ANKRD31: variants seen among roughly 807,000 people sequenced by gnomAD.
ANKRD31 encodes ankyrin repeat domain 31.
In ANKRD31, 147 loss-of-function variants were observed where a neutral mutation model predicts 186.0. The observed-to-expected ratio is 0.79, with a 90% CI of 0.69 to 0.91. The LOEUF is 0.91. Among genes scored for constraint, ANKRD31 ranks in the 40% least tolerant of loss-of-function variants. The pLI, the probability that ANKRD31 is intolerant of heterozygous loss-of-function variation, is 0.00. For missense variants in ANKRD31, 1,986 were observed against 2,148.8 expected, an observed-to-expected ratio of 0.92 and a Z score of 1.50; for synonymous variants, 673 against 736.4, an observed-to-expected ratio of 0.91 and a Z score of 1.39.
Position 75,196,004 on chromosome 5 carries a change from CTTTCTTCATCCTTAG to C in ANKRD31, c.629_643del (p.Thr210_Glu214del). On this transcript the variant is annotated inframe_deletion, in exon 7 of 26. Coordinates refer to ENST00000506364, the MANE Select transcript of ANKRD31 (RefSeq NM_001372053.1). ...GGCAGACACAAAGGTTTCAAGAGAGCTTTCTTCATCCTTAGTTTCTTCAGAAGTCATGGTCATTGT... is the reference window on the plus strand; with the variant it reads ...GGCAGACACAAAGGTTTCAAGAGAGCTTTCTTCAGAAGTCATGGTCATTGT... 1 of 1,532,024 alleles carries C rather than the reference CTTTCTTCATCCTTAG, an allele frequency of 6.5e-7. No individual in the cohort carries two copies. The highest frequency in any genetic ancestry group is 8.7e-7 in the Non-Finnish European group (1 of 1,145,048). 94.9% of individuals were successfully genotyped at this position (1,532,024 alleles called of 1,614,324 possible).
chr5:75,100,288 C>G (rs1746732227), intron 22 of ANKRD31, among the ~76,000 whole-genome samples: 1 of 152,124 alleles, frequency 6.6e-6, no homozygotes, highest in Admixed American at 6.6e-5. Flanking sequence ...GTCTGAGAGA[C>G]AGTTTGTTAT....
chr5:75,172,860 A>G (rs1262762233), intron 10 of ANKRD31, among the ~76,000 whole-genome samples: 1 of 152,210 alleles, frequency 6.6e-6, no homozygotes, highest in African/African-American at 2.4e-5. Flanking sequence ...CAACAGAAAA[A>G]AAGGGAATCT....
chr5:75,218,528 T>C (rs1561545477), intron 3 of ANKRD31, among the ~76,000 whole-genome samples: 1 of 152,156 alleles, frequency 6.6e-6, no homozygotes, highest in Non-Finnish European at 1.5e-5. Context: ...AAAGAAGAGC[T>C]GGTGCCATTT....
chr5:75,172,783 T>C (rs1029396257), intron 10 of ANKRD31, among the ~76,000 whole-genome samples: 2 of 152,094 alleles, frequency 1.3e-5, no homozygotes, highest in Non-Finnish European at 2.9e-5. Flanking sequence ...ACCAGACAGA[T>C]TCACAGCCGA....
chr5:75,226,298 T>C (rs144805681), intron 2 of ANKRD31, among the ~76,000 whole-genome samples: 133 of 152,290 alleles, frequency 8.7e-4, no homozygotes, highest in South Asian at 1.7e-3. Flanking sequence ...TGTAGAGCTG[T>C]AGTGAACATA....
At chr5:75,179,456 C>T (rs1754096869) in intron 10 of ANKRD31, among the ~76,000 whole-genome samples, 2 of 152,286 alleles carry the variant, frequency 1.3e-5, no homozygotes, top group South Asian at 4.1e-4. Context: ...GACCAATATC[C>T]TTGATGAACA....
At chr5:75,199,238 C>T (rs1755657030) in intron 6 of ANKRD31, among the ~76,000 whole-genome samples, 1 of 152,084 alleles carries the variant, frequency 6.6e-6, no homozygotes, top group Non-Finnish European at 1.5e-5. Flanking sequence ...CCTAGCATCC[C>T]TGAGGAAAGC....
intron 2 of ANKRD31, among the ~76,000 whole-genome samples, chr5:75,229,475 C>T (rs1010779332): frequency 1.3e-5 from 2 of 152,090 alleles, no homozygotes; most frequent in Non-Finnish European, 2.9e-5. Flanking sequence ...GCTAGTCTAA[C>T]AGACCCTAAT....
chr5:75,236,624 C>A lies in ANKRD31; in HGVS notation c.63G>T (p.Val21=), dbSNP rs900203072. Residue 21 remains valine, a synonymous_variant, in exon 1 of 26, where the codon GTG becomes GTT. Transcript: ENST00000506364. ...DSDETVIEGS[V]TESDLEEKEL... is the part of the protein sequence containing the mutation. Reference sequence around the variant, plus strand: ...CCTTTTCTTCCAGGTCGCTCTCCGTCACTGAACCCTCTATCACAGTTTCAT... The same window carrying A: ...CCTTTTCTTCCAGGTCGCTCTCCGTAACTGAACCCTCTATCACAGTTTCAT... 6.5e-7 allele frequency: 1 copy of A among 1,537,284 alleles called. No individual in the cohort carries two copies. Among genetic ancestry groups the A allele is most frequent in the Non-Finnish European group, 8.7e-7 (1 of 1,146,918 alleles).
chr5:75,091,164 G>C, intron 23 of ANKRD31, 97 bp downstream of exon 23: 2 of 1,349,564 alleles, frequency 1.5e-6, no homozygotes, highest in Non-Finnish European at 2.0e-6. Context: ...AACTAGCTTG[G>C]AGATCTTTCA....
chr5:75,224,761 A>G (rs1234825346), intron 2 of ANKRD31, among the ~76,000 whole-genome samples: 2 of 152,180 alleles, frequency 1.3e-5, no homozygotes, highest in Non-Finnish European at 2.9e-5. Flanking sequence ...GAGAAAGAAG[A>G]AACCCTAAAA....
intron 25 of ANKRD31, among the ~76,000 whole-genome samples, chr5:75,068,922 T>C (rs1743979994): frequency 7.0e-6 from 1 of 143,132 alleles, no homozygotes; most frequent in African/African-American, 2.6e-5. Flanking sequence ...CTTCTGAAGG[T>C]AGTGGTACAA....
At chr5:75,087,588 A>T (rs1007590231) in intron 23 of ANKRD31, among the ~76,000 whole-genome samples, 3 of 152,176 alleles carry the variant, frequency 2.0e-5, no homozygotes, top group Non-Finnish European at 4.4e-5. Flanking sequence ...AAGTTTTAAG[A>T]AGTCAATCTT....
At chr5:75,129,533 A>G (rs998023450) in intron 17 of ANKRD31, among the ~76,000 whole-genome samples, 1 of 152,242 alleles carries the variant, frequency 6.6e-6, no homozygotes, top group African/African-American at 2.4e-5. Context: ...AAATTACATT[A>G]AAAAGTTACC....
chr5:75,143,663 CT>C (rs1751217924), intron 15 of ANKRD31, among the ~76,000 whole-genome samples: 1 of 152,048 alleles, frequency 6.6e-6, no homozygotes, highest in Admixed American at 6.6e-5. Context: ...TTTAATTTCC[CT>C]TATGTTAAAA....
chr5:75,227,753 G>A (rs955880957), intron 2 of ANKRD31, among the ~76,000 whole-genome samples: 1 of 152,108 alleles, frequency 6.6e-6, no homozygotes, highest in African/African-American at 2.4e-5. Context: ...CCACGGACCA[G>A]TACCCATCCG....
intron 3 of ANKRD31, among the ~76,000 whole-genome samples, chr5:75,221,361 G>C (rs1210557290): frequency 6.6e-6 from 1 of 152,182 alleles, no homozygotes; most frequent in Non-Finnish European, 1.5e-5. Context: ...CTTTGTGTGT[G>C]TGTGTGCAGG....
At chr5:75,122,848 G>T (rs898572106) in intron 17 of ANKRD31, among the ~76,000 whole-genome samples, 3 of 152,088 alleles carry the variant, frequency 2.0e-5, no homozygotes, top group African/African-American at 7.2e-5. Context: ...GGGAAGGGCT[G>T]AAAACAATTC....
At chr5:75,108,466 A>T (rs1052766659) in intron 20 of ANKRD31, among the ~76,000 whole-genome samples, 7 of 152,136 alleles carry the variant, frequency 4.6e-5, no homozygotes, top group Non-Finnish European at 1.0e-4. Flanking sequence ...TAGGAAACTG[A>T]AAGGGTTAAA....
Sources: gnomAD v4.1 joint callset for allele counts (sites outside exome capture counted in the v4.1 genomes callset) on GRCh38, gnomAD v4.1.1 for gene constraint, MANE v1.5 for transcripts, NCBI Gene and HGNC (gene_info 2026-07-23, HGNC 2026-07-21) for gene names.